The following CDK6 variants were observed in gnomAD, a reference collection of about 807,000 sequenced individuals.
The protein encoded by CDK6 is cyclin-dependent kinase 6.
A neutral mutation model predicts 37.1 loss-of-function variants in CDK6; 6 were observed. The ratio of observed to expected loss-of-function variants is 0.16; its 90% CI spans 0.09 to 0.32. CDK6 has a LOEUF of 0.32. Among genes scored for constraint, CDK6 ranks in the 10% least tolerant of loss-of-function variants. The pLI is 1.00. For synonymous variants in CDK6, 160 were observed against 161.3 expected, an observed-to-expected ratio of 0.99 and a Z score of 0.06; for missense variants, 224 against 418.9, an observed-to-expected ratio of 0.53 and a Z score of 4.06.
chr7:92,723,090 C>T (rs974623314), intron 4 of CDK6, among the ~76,000 whole-genome samples: 1 of 152,074 alleles, frequency 6.6e-6, no homozygotes, highest in African/African-American at 2.4e-5. Flanking sequence ...ACACGAGAAT[C>T]GCTTGAACTC....
At chr7:92,668,426 T>TA (rs974995906) in intron 5 of CDK6, among the ~76,000 whole-genome samples, 3 of 140,400 alleles carry the variant, frequency 2.1e-5, no homozygotes, top group Admixed American at 6.9e-5. Flanking sequence ...CAGAGAGTAG[T>TA]AAAAAAAACC....
At chr7:92,648,657 C>A (rs956626085) in intron 5 of CDK6, among the ~76,000 whole-genome samples, 2 of 152,098 alleles carry the variant, frequency 1.3e-5, no homozygotes, top group African/African-American at 2.4e-5. Context: ...GATGACAAAC[C>A]TAGAATGCCC....
At chr7:92,718,020 G>T (rs1168724629) in intron 4 of CDK6, among the ~76,000 whole-genome samples, 1 of 151,984 alleles carries the variant, frequency 6.6e-6, no homozygotes, top group Non-Finnish European at 1.5e-5. Context: ...TGTTTGTTTT[G>T]GCTCTGGCAT....
intron 4 of CDK6, among the ~76,000 whole-genome samples, chr7:92,720,090 A>T (rs1173866953): frequency 6.6e-6 from 1 of 152,214 alleles, no homozygotes; most frequent in Non-Finnish European, 1.5e-5. Context: ...ATTGAGGTCT[A>T]CATAAAAAAA....
chr7:92,786,201 T>A (rs1800127262), intron 2 of CDK6, among the ~76,000 whole-genome samples: 1 of 152,162 alleles, frequency 6.6e-6, no homozygotes, highest in Non-Finnish European at 1.5e-5. Context: ...CAGCCAAAAC[T>A]AGGCAGCCGC....
chr7:92,719,330 A>C (rs975253087), intron 4 of CDK6, among the ~76,000 whole-genome samples: 1 of 152,188 alleles, frequency 6.6e-6, no homozygotes, highest in African/African-American at 2.4e-5. Flanking sequence ...TAATGATCTC[A>C]AATAAAGCAA....
At chr7:92,796,155 T>C (rs185486556) in intron 2 of CDK6, among the ~76,000 whole-genome samples, 15 of 151,676 alleles carry the variant, frequency 9.9e-5, no homozygotes, top group Non-Finnish European at 1.8e-4. Context: ...AGTTTTTTTT[T>C]CTGTAATGAG....
At chr7:92,655,029 A>G (rs1199386032) in intron 5 of CDK6, among the ~76,000 whole-genome samples, 3 of 130,356 alleles carry the variant, frequency 2.3e-5, no homozygotes, top group Non-Finnish European at 3.3e-5. Context: ...TTTTTTTTGT[A>G]GAGACAGAGT....
At chr7:92,828,286 C>T (rs903726760) in intron 2 of CDK6, among the ~76,000 whole-genome samples, 8 of 152,072 alleles carry the variant, frequency 5.3e-5, no homozygotes, top group Admixed American at 2.0e-4. Flanking sequence ...ATTCATTTAT[C>T]GTTATGTCAT....
At chr7:92,643,796 T>G (rs763291763) in intron 5 of CDK6, among the ~76,000 whole-genome samples, 11 of 152,228 alleles carry the variant, frequency 7.2e-5, no homozygotes, top group Non-Finnish European at 1.3e-4. Flanking sequence ...ATGGGACACT[T>G]ACTATTCAGT....
At position 92,623,238 on chromosome 7, in the gene CDK6, A is replaced by C; in HGVS notation, c.648-152T>G. 3 of 613,608 alleles carry C rather than the reference A, an allele frequency of 4.9e-6. No homozygotes were observed. The African/African-American group carries it at 5.6e-5, about 11-fold the overall frequency. 38.0% of individuals were successfully genotyped at this position (613,608 alleles called of 1,614,324 possible). A position where few individuals can be genotyped will look rare whatever the true frequency, so the allele number is the denominator to read the frequency against. On this transcript the variant is annotated intron_variant, in intron 5 of 7. Coordinates refer to ENST00000424848, the MANE Select transcript of CDK6 (RefSeq NM_001145306.2). ...TGAGACATTTTTCCTTTGGTAAGTG[A>C]AGGTTTTCCCTGCATTTCATGTATG...
intron 3 of CDK6, among the ~76,000 whole-genome samples, chr7:92,767,005 T>C (rs1024494932): frequency 1.3e-5 from 2 of 152,184 alleles, no homozygotes; most frequent in African/African-American, 4.8e-5. Flanking sequence ...AAAGGTTCCC[T>C]TGGCTCTGCA....
At position 92,690,300 on chromosome 7, in the gene CDK6, A is replaced by G. The variant is rs181158727; in HGVS notation, c.538-18765T>C. The stretch of plus-strand genomic sequence containing the variant: ...TAATTCACCTTGAGATAATTTTTGT[A>G]TATAAGGAAGGGGTCCAGTTTCAAT... On this transcript the variant is annotated intron_variant, in intron 4 of 7. Coordinates refer to ENST00000424848, the MANE Select transcript of CDK6 (RefSeq NM_001145306.2). 1.6e-3 allele frequency among the ~76,000 whole-genome samples: 236 copies of G among 152,098 alleles called. 3 individuals are homozygous for G. The highest frequency in any genetic ancestry group is 2.1e-4 in the Non-Finnish European group (14 of 67,952).
intron 4 of CDK6, among the ~76,000 whole-genome samples, chr7:92,700,910 G>T (rs1419170982): frequency 6.6e-6 from 1 of 152,250 alleles, no homozygotes; most frequent in African/African-American, 2.4e-5. Flanking sequence ...ATCCACTGCG[G>T]TAACATGATG....
chr7:92,752,218 TA>T (rs1799205909), intron 3 of CDK6, among the ~76,000 whole-genome samples: 1 of 151,940 alleles, frequency 6.6e-6, no homozygotes. Context: ...GTTTAATCTT[TA>T]AAAAAAAGCC....
At chr7:92,700,279 C>T (rs921756887) in intron 4 of CDK6, among the ~76,000 whole-genome samples, 1 of 152,136 alleles carries the variant, frequency 6.6e-6, no homozygotes, top group African/African-American at 2.4e-5. Flanking sequence ...GTCAGATATG[C>T]ATTATTCTAC....
chr7:92,803,768 G>A lies in CDK6; in HGVS notation c.234-28937C>T, dbSNP rs114541141. ...AAAGTTACTCATACAGGTTTATATT[G>A]ATTGACTCCCGGGACAGTATGAAAA... On this transcript the variant is annotated intron_variant, in intron 2 of 7. Coordinates refer to ENST00000424848, the MANE Select transcript of CDK6 (RefSeq NM_001145306.2). Among the ~76,000 whole-genome samples, 1,005 of 152,244 alleles carry A rather than the reference G, an allele frequency of 6.6e-3. 8 individuals are homozygous for A. Among genetic ancestry groups the A allele is most frequent in the African/African-American group, 0.023 (964 of 41,546 alleles).
At chr7:92,718,142 C>T (rs1213597434) in intron 4 of CDK6, among the ~76,000 whole-genome samples, 1 of 152,126 alleles carries the variant, frequency 6.6e-6, no homozygotes, top group African/African-American at 2.4e-5. Context: ...AAAACGAAAC[C>T]GGCACAAACC....
chr7:92,758,533 C>A (rs551642272), intron 3 of CDK6, among the ~76,000 whole-genome samples: 8 of 152,190 alleles, frequency 5.3e-5, no homozygotes, highest in Middle Eastern at 3.4e-3. Flanking sequence ...TTGGTTACTG[C>A]AGCCCTGTAG....
Sources: allele counts gnomAD v4.1 joint callset (sites outside exome capture counted in the v4.1 genomes callset), GRCh38; gene constraint gnomAD v4.1.1; transcripts MANE v1.5; gene names NCBI Gene and HGNC (gene_info 2026-07-23, HGNC 2026-07-21).